Variants in KCNS3 observed in about 807,000 individuals in gnomAD.
KCNS3 encodes the protein delayed-rectifier potassium channel regulatory subunit KCNS3.
Under a neutral mutation model 31.0 loss-of-function variants are expected in KCNS3, and 13 were observed. The ratio of observed to expected loss-of-function variants is 0.42; its 90% confidence interval spans 0.27 to 0.67. KCNS3 has a LOEUF of 0.67. Among genes scored for constraint, KCNS3 ranks in the 30% least tolerant of loss-of-function variants. The pLI, the probability that KCNS3 is intolerant of heterozygous loss-of-function variation, is 0.25. For synonymous variants in KCNS3, 238 were observed against 241.5 expected, an observed-to-expected ratio of 0.99 and a Z score of 0.13; for missense variants, 545 against 622.4, an observed-to-expected ratio of 0.88 and a Z score of 1.32.
At chr2:17,918,566 C>G (rs1374802735) in intron 2 of KCNS3, among the ~76,000 whole-genome samples, 2 of 152,182 alleles carry the variant, frequency 1.3e-5, no homozygotes, top group East Asian at 3.8e-4. Context: ...CATGCCTGTT[C>G]TAGATCATTC....
At chr2:17,897,351 A>G (rs1248072687) in intron 1 of KCNS3, among the ~76,000 whole-genome samples, 3 of 152,224 alleles carry the variant, frequency 2.0e-5, no homozygotes, top group African/African-American at 7.2e-5. Flanking sequence ...ACCATGAAGA[A>G]CATACAAATG....
intron 2 of KCNS3, among the ~76,000 whole-genome samples, chr2:17,922,654 C>T (rs992815502): frequency 6.6e-6 from 1 of 152,072 alleles, no homozygotes; most frequent in African/African-American, 2.4e-5. Flanking sequence ...ATTAATAGTA[C>T]CCATCTCCCC....
chr2:17,919,070 T>C (rs1380220174), intron 2 of KCNS3, among the ~76,000 whole-genome samples: 1 of 152,264 alleles, frequency 6.6e-6, no homozygotes, highest in Non-Finnish European at 1.5e-5. Flanking sequence ...GATTCTTTGC[T>C]TTTTACAAAG....
At chr2:17,900,356 A>G (rs193254751) in intron 1 of KCNS3, among the ~76,000 whole-genome samples, 7 of 152,268 alleles carry the variant, frequency 4.6e-5, no homozygotes, top group Admixed American at 1.3e-4. Context: ...GTTTTGAGGT[A>G]GGGAGAGGTC....
At chr2:17,890,693 A>G (rs1044191216) in intron 1 of KCNS3, among the ~76,000 whole-genome samples, 13 of 152,244 alleles carry the variant, frequency 8.5e-5, no homozygotes, top group African/African-American at 2.6e-4. Flanking sequence ...CCCAATGCTC[A>G]TTTAGGAGCA....
At chr2:17,907,421 A>C (rs566322833) in intron 1 of KCNS3, among the ~76,000 whole-genome samples, 1 of 152,194 alleles carries the variant, frequency 6.6e-6, no homozygotes, top group East Asian at 1.9e-4. Flanking sequence ...CCAATTTGCC[A>C]GTCTGTGTCT....
chr2:17,893,940 G>GTTTTTTTTTTTTTTTTT (rs5829612), intron 1 of KCNS3, among the ~76,000 whole-genome samples: 8 of 98,906 alleles, frequency 8.1e-5, no homozygotes, highest in African/African-American at 2.7e-4. Context: ...CCAGGAGCCA[G>GTTTTTTTTTTTTTTTTT]TTTTTTTTTT....
chr2:17,931,194 G>A lies in KCNS3; in HGVS notation c.186G>A (p.Val62=). ...AILELCDDYS[V]ADKEYYFDRN... is the part of the protein sequence containing the mutation. The stretch of plus-strand genomic sequence containing the variant: ...TGGAGCTGTGTGATGATTACAGTGT[G>A]GCCGATAAGGAGTACTACTTTGATC... Residue 62 remains valine, a synonymous_variant, in exon 3 of 3, where the codon GTG becomes GTA. Transcript: ENST00000304101. This position sits in a 1 kb window ranked among gnomAD's most constrained non-coding sequence, Gnocchi z 5.4. The A allele has an allele frequency of 1.2e-6, 2 of 1,614,076 alleles. No homozygotes were observed. Among genetic ancestry groups the A allele is most frequent in the Non-Finnish European group, 1.7e-6 (2 of 1,179,990 alleles).
intron 1 of KCNS3, among the ~76,000 whole-genome samples, chr2:17,907,235 A>T (rs982728205): frequency 9.9e-5 from 15 of 151,854 alleles, no homozygotes; most frequent in Non-Finnish European, 2.2e-4. Context: ...GTCTCTTTTG[A>T]TCTTTGTTGG....
At chr2:17,927,259 A>G (rs1290322130) in intron 2 of KCNS3, among the ~76,000 whole-genome samples, 1 of 152,174 alleles carries the variant, frequency 6.6e-6, no homozygotes, top group Admixed American at 6.5e-5. Flanking sequence ...CCATATCACT[A>G]CCAGCATTTT....
intron 1 of KCNS3, among the ~76,000 whole-genome samples, chr2:17,888,633 A>ATCTATATATC (rs1553341407): frequency 7.1e-4 from 36 of 50,466 alleles, no homozygotes; most frequent in Non-Finnish European, 1.5e-3. Flanking sequence ...AAAAATGTAT[A>ATCTATATATC]TATATATATA....
chr2:17,909,979 A>G (rs916319926), intron 1 of KCNS3, among the ~76,000 whole-genome samples: 4 of 152,242 alleles, frequency 2.6e-5, no homozygotes, highest in Admixed American at 6.5e-5. Flanking sequence ...CTCTAGCTAA[A>G]GGATTCTTAA....
At chr2:17,925,156 C>A (rs1461945) in intron 2 of KCNS3, among the ~76,000 whole-genome samples, 104,319 of 152,008 alleles carry the variant, frequency 0.69, 36,437 homozygotes, top group East Asian at 0.98. Context: ...ACGTCATTCC[C>A]AAATTAACCT....
chr2:17,881,644 G>C (rs753207586), intron 1 of KCNS3, among the ~76,000 whole-genome samples: 3 of 152,232 alleles, frequency 2.0e-5, no homozygotes, highest in Non-Finnish European at 4.4e-5. Flanking sequence ...AGGTCACCCA[G>C]CCCGGAAAAG....
chr2:17,926,606 C>A (rs1445778342), intron 2 of KCNS3, among the ~76,000 whole-genome samples: 1 of 152,262 alleles, frequency 6.6e-6, no homozygotes, highest in Non-Finnish European at 1.5e-5. Context: ...AGGATTGGGG[C>A]TTGCGCCATC....
chr2:17,889,660 C>G (rs191284005), intron 1 of KCNS3, among the ~76,000 whole-genome samples: 1 of 152,124 alleles, frequency 6.6e-6, no homozygotes, highest in East Asian at 1.9e-4. Flanking sequence ...TTGTCTAATG[C>G]TTTTTTTGCA....
At chr2:17,902,410 G>C (rs1215921359) in intron 1 of KCNS3, among the ~76,000 whole-genome samples, 2 of 151,140 alleles carry the variant, frequency 1.3e-5, no homozygotes, top group Non-Finnish European at 2.9e-5. Flanking sequence ...TCTATATAAA[G>C]ATGTATTTGA....
intron 2 of KCNS3, among the ~76,000 whole-genome samples, chr2:17,925,606 G>A (rs1662822130): frequency 6.6e-6 from 1 of 152,320 alleles, no homozygotes; most frequent in Non-Finnish European, 1.5e-5. Flanking sequence ...AGGCAAGAGA[G>A]AGTGGCGAGA....
At chr2:17,883,514 G>A (rs185538546) in intron 1 of KCNS3, among the ~76,000 whole-genome samples, 9 of 152,248 alleles carry the variant, frequency 5.9e-5, no homozygotes, top group African/African-American at 1.7e-4. Context: ...AACAAGGGTA[G>A]GGAGGCACTA....
Sources: gnomAD v4.1 joint callset for allele counts (sites outside exome capture counted in the v4.1 genomes callset) on GRCh38, gnomAD v4.1.1 for gene constraint, Gnocchi (gnomAD v3.1) non-coding constraint, MANE v1.5 for transcripts, NCBI Gene and HGNC (gene_info 2026-07-23, HGNC 2026-07-21) for gene names.